DAB1: variants seen among roughly 807,000 people sequenced by gnomAD.
DAB1 encodes DAB adaptor protein 1.
Under a neutral mutation model 64.6 loss-of-function variants are expected in DAB1, and 15 were observed. The ratio of observed to expected loss-of-function variants is 0.23; its 90% CI spans 0.16 to 0.36. The LOEUF is 0.36. Among genes scored for constraint, DAB1 ranks in the 10% least tolerant of loss-of-function variants. The pLI is 1.00. For missense variants in DAB1, 596 were observed against 706.7 expected, an observed-to-expected ratio of 0.84 and a Z score of 1.78; for synonymous variants, 235 against 251.9, an observed-to-expected ratio of 0.93 and a Z score of 0.64.
chr1:58,528,071 G>T (rs1031481985), intron 1 of DAB1, among the ~76,000 whole-genome samples: 3 of 152,210 alleles, frequency 2.0e-5, no homozygotes, highest in Non-Finnish European at 4.4e-5. Flanking sequence ...TGTCTGTGAT[G>T]GCCTGAAATA....
intron 6 of DAB1, among the ~76,000 whole-genome samples, chr1:57,803,625 A>G (rs993827152): frequency 1.3e-5 from 2 of 152,228 alleles, no homozygotes; most frequent in African/African-American, 4.8e-5. Context: ...CTAGGGTCTG[A>G]CCAACATTAA....
At chr1:58,061,204 G>A (rs1021544934) in intron 5 of DAB1, among the ~76,000 whole-genome samples, 6 of 152,188 alleles carry the variant, frequency 3.9e-5, no homozygotes, top group Non-Finnish European at 7.3e-5. Flanking sequence ...AAAGACCCAC[G>A]GGTGAGTTCT....
chr1:57,301,609 G>C (rs974487972), intron 1 of DAB1, among the ~76,000 whole-genome samples: 2 of 152,158 alleles, frequency 1.3e-5, no homozygotes, highest in Non-Finnish European at 2.9e-5. Context: ...GCATTTGGCA[G>C]CTTCACCTGC....
chr1:57,739,485 G>A (rs1401349777), intron 6 of DAB1, among the ~76,000 whole-genome samples: 2 of 25,588 alleles, frequency 7.8e-5, no homozygotes, highest in African/African-American at 1.5e-4. Context: ...CCCTCCCCTC[G>A]CCCCAGGCTG....
chr1:58,150,208 C>A (rs1265609178), intron 5 of DAB1, among the ~76,000 whole-genome samples: 1 of 152,148 alleles, frequency 6.6e-6, no homozygotes, highest in Non-Finnish European at 1.5e-5. Context: ...AGATTTGAAC[C>A]CAGGTATGCC....
intron 5 of DAB1, among the ~76,000 whole-genome samples, chr1:57,960,130 A>G (rs1645482598): frequency 6.6e-6 from 1 of 151,932 alleles, no homozygotes; most frequent in Non-Finnish European, 1.5e-5. Context: ...GAGGAGGGAG[A>G]GATGGTGTTG....
intron 5 of DAB1, among the ~76,000 whole-genome samples, chr1:58,100,181 T>C (rs1651229875): frequency 6.6e-6 from 1 of 152,240 alleles, no homozygotes; most frequent in Non-Finnish European, 1.5e-5. Context: ...TTCACCACTA[T>C]TCATATCCAG....
At chr1:58,429,765 G>A (rs1184871781) in intron 3 of DAB1, among the ~76,000 whole-genome samples, 3 of 152,160 alleles carry the variant, frequency 2.0e-5, no homozygotes, top group Non-Finnish European at 2.9e-5. Flanking sequence ...CCTGAGCACC[G>A]CTTGCTTTCA....
intron 6 of DAB1, among the ~76,000 whole-genome samples, chr1:57,696,314 C>G (rs1646844807): frequency 6.6e-6 from 1 of 151,868 alleles, no homozygotes; most frequent in African/African-American, 2.4e-5. Context: ...CAAGGACTGC[C>G]CTCTGAAACT....
At chr1:57,256,975 G>A (rs1669813912) in intron 2 of DAB1, among the ~76,000 whole-genome samples, 1 of 152,212 alleles carries the variant, frequency 6.6e-6, no homozygotes, top group Non-Finnish European at 1.5e-5. Flanking sequence ...CATGGTTTCA[G>A]AATTTTAGGG....
At chr1:58,495,040 C>T (rs1569889278) in intron 3 of DAB1, among the ~76,000 whole-genome samples, 2 of 152,228 alleles carry the variant, frequency 1.3e-5, no homozygotes, top group African/African-American at 4.8e-5. Flanking sequence ...CAATGATAGA[C>T]TGGATTAAGA....
intron 2 of DAB1, among the ~76,000 whole-genome samples, chr1:57,193,917 A>G (rs548174146): frequency 6.6e-6 from 1 of 152,288 alleles, no homozygotes; most frequent in African/African-American, 2.4e-5. Flanking sequence ...CTATACCTCC[A>G]TTTCCTTATC....
intron 4 of DAB1, among the ~76,000 whole-genome samples, chr1:58,200,592 A>C (rs958528597): frequency 6.6e-6 from 1 of 151,890 alleles, no homozygotes; most frequent in African/African-American, 2.4e-5. Flanking sequence ...TACTCTTACC[A>C]AATTATCATG....
intron 7 of DAB1, among the ~76,000 whole-genome samples, chr1:57,478,861 A>C (rs574426974): frequency 6.6e-6 from 1 of 151,954 alleles, no homozygotes; most frequent in East Asian, 1.9e-4. Flanking sequence ...CGGACTCCCA[A>C]AGTGCTGGGA....
At chr1:57,211,211 C>G (rs1665974512) in intron 2 of DAB1, among the ~76,000 whole-genome samples, 1 of 152,196 alleles carries the variant, frequency 6.6e-6, no homozygotes, top group African/African-American at 2.4e-5. Flanking sequence ...AATGAAAACA[C>G]TCAGAGTTCG....
intron 5 of DAB1, among the ~76,000 whole-genome samples, chr1:57,943,630 C>T (rs559373233): frequency 6.6e-6 from 1 of 152,242 alleles, no homozygotes; most frequent in African/African-American, 2.4e-5. Flanking sequence ...TGGAAAAGCA[C>T]ATAATTTACA....
intron 2 of DAB1, among the ~76,000 whole-genome samples, chr1:57,225,204 C>T (rs1200644617): frequency 6.6e-6 from 1 of 152,150 alleles, no homozygotes; most frequent in Non-Finnish European, 1.5e-5. Flanking sequence ...AGAATGGGGT[C>T]ATGGGAACTC....
intron 1 of DAB1, among the ~76,000 whole-genome samples, chr1:57,337,930 T>G (rs2100817977): frequency 6.7e-6 from 1 of 149,306 alleles, no homozygotes; most frequent in Admixed American, 6.7e-5. Flanking sequence ...TCCTCCTTTT[T>G]TCTCTCTCTC....
intron 4 of DAB1, among the ~76,000 whole-genome samples, chr1:57,082,560 C>G (rs112653827): frequency 6.6e-6 from 1 of 152,198 alleles, no homozygotes; most frequent in Admixed American, 6.5e-5. Context: ...TTCCAGGATA[C>G]ATGTGCAGGA....
Sources: gnomAD v4.1 joint callset for allele counts (sites outside exome capture counted in the v4.1 genomes callset) on GRCh38, gnomAD v4.1.1 for gene constraint, MANE v1.5 for transcripts, NCBI Gene and HGNC (gene_info 2026-07-23, HGNC 2026-07-21) for gene names.